The following GRB7 variants were observed in gnomAD, a reference collection of about 807,000 sequenced individuals.
GRB7 encodes the protein growth factor receptor-bound protein 7.
In GRB7, 47 loss-of-function variants were observed where a neutral mutation model predicts 64.1. That is an observed-to-expected ratio of 0.73 (90% CI 0.58 to 0.94). GRB7 has a LOEUF of 0.94. GRB7 is among the 40% of genes least tolerant of loss of function. GRB7 has a pLI of 0.00. For missense variants in GRB7, 634 were observed against 718.4 expected (o/e 0.88, Z 1.34); for synonymous variants, 277 against 279.9 (o/e 0.99, Z 0.10).
At chr17:39,742,198 C>T in intron 1 of GRB7, 54 bp from the exon 2 acceptor site, 1 of 1,337,994 alleles carries the variant, frequency 7.5e-7, no homozygotes, top group Non-Finnish European at 1.1e-6. Flanking sequence ...TGAGGGGCAC[C>T]CTAACCGCCG....
rs1354030470 is a variant in GRB7, at chr17:39,746,828, G to A, written c.1530G>A (p.Glu510=). Residue 510 remains glutamate, a synonymous_variant, in exon 15 of 15, where the codon GAG becomes GAA. Coordinates refer to ENST00000309156, the MANE Select transcript of GRB7 (RefSeq NM_005310.5). ...TCACTGACCTGCTGCAGCTCGTGGAGTTCCACCAGCTGAACCGCGGCATCC... is the reference window on the plus strand; with the variant it reads ...TCACTGACCTGCTGCAGCTCGTGGAATTCCACCAGCTGAACCGCGGCATCC... ...TRFTDLLQLV[E]FHQLNRGILP... 4 of 1,613,824 alleles carry A rather than the reference G, an allele frequency of 2.5e-6. No homozygotes were observed. The highest frequency in any genetic ancestry group is 2.2e-5 in the East Asian group (1 of 44,876).
rs1448723648 is a variant in GRB7, at chr17:39,742,629, G to GCT, written c.222_223dup (p.Cys75SerfsTer30). The GCT allele has an allele frequency of 1.9e-6, 3 of 1,613,092 alleles. No individual in the cohort carries two copies. Among genetic ancestry groups the GCT allele is most frequent in the Non-Finnish European group, 2.5e-6 (3 of 1,179,624 alleles). ...CCTCTATCCCCAACCCCTTCCCTGA[G>GCT]CTCTGCAGTCCTCCCTCACAGAGCC... On this transcript the variant is annotated frameshift_variant, in exon 3 of 15. Coordinates refer to ENST00000309156, the MANE Select transcript of GRB7 (RefSeq NM_005310.5). LOFTEE classifies it high-confidence loss of function.
In GRB7 at chr17:39,743,224, G is replaced by A; in HGVS notation, c.508G>A (p.Ala170Thr). 1 of 1,614,208 alleles carries A rather than the reference G, an allele frequency of 6.2e-7. No homozygotes were observed. The highest frequency in any genetic ancestry group is 1.3e-5 in the African/African-American group (1 of 75,062). The change falls in exon 5 of 15, where the codon GCC becomes ACC. Residue 170 changes from alanine to threonine, a missense_variant. Ala to Thr is a moderately conservative substitution (Grantham distance 58). Around this residue, in one of 2 missense-constraint regions of GRB7, gnomAD observed 467 missense variants for 576.6 expected, o/e 0.81. Coordinates refer to ENST00000309156, the MANE Select transcript of GRB7 (RefSeq NM_005310.5). ...CGAGTCCGTGGTGGAAGTGCAGGCT[G>A]CCTGGCCCGTGGGCGGAGATAGCCG... is the stretch of plus-strand genomic sequence containing the variant. ...DHESVVEVQA[A>T]WPVGGDSRFV...
rs74868261 is a variant in GRB7, at chr17:39,746,217, G to A, written c.1452+15G>A. On this transcript the variant is annotated intron_variant, in intron 14 of 14. Transcript: ENST00000309156. ...TCATCCTGCCGGTGAGCTTCCCTGC[G>A]TCCCCGGAGTCCTGCAATGAGACAC... 8.9e-5 allele frequency: 143 copies of A among 1,600,948 alleles called. No homozygotes were observed. Among genetic ancestry groups the A allele is most frequent in the East Asian group, 2.9e-4 (13 of 44,838 alleles).
intron 1 of GRB7, chr17:39,739,030 G>A: frequency 1.1e-6 from 1 of 907,880 alleles, no homozygotes; most frequent in Non-Finnish European, 1.6e-6. Context: ...TGGGGTGGGG[G>A]ATAGCAGATG....
Position 39,745,729 on chromosome 17 carries a change from A to G in GRB7, c.1211A>G (p.Lys404Arg). 1 of 1,613,676 alleles carries G rather than the reference A, an allele frequency of 6.2e-7. No individual in the cohort carries two copies. Among genetic ancestry groups the G allele is most frequent in the Non-Finnish European group, 8.5e-7 (1 of 1,180,002 alleles). Residue 404 changes from lysine to arginine, a missense_variant and splice_region_variant, in exon 12 of 15, where the codon AAG (lysine) becomes AGG (arginine). Lys to Arg is a conservative substitution (Grantham distance 26). Transcript: ENST00000309156. Reference sequence around the variant, plus strand: ...CCCGTATCTCCCACTGCTCCACAGAAGAAGACAAACCACCGCCTCAGCCTG... The same window carrying G: ...CCCGTATCTCCCACTGCTCCACAGAGGAAGACAAACCACCGCCTCAGCCTG... Reference protein sequence around the residue: ...VALEEAQAWRKKTNHRLSLPM... With the variant: ...VALEEAQAWRRKTNHRLSLPM...
At chr17:39,745,665 T>C (rs776602800) in intron 11 of GRB7, 63 bp from the exon 12 acceptor site, 23 of 1,584,676 alleles carry the variant, frequency 1.5e-5, no homozygotes, top group East Asian at 4.5e-5. Context: ...TCTACCTTCC[T>C]GAGGTGCTGG....
At position 39,747,213 on chromosome 17, in the gene GRB7, T is replaced by G. The variant is rs2060056543; in HGVS notation, c.*316T>G. Reference sequence around the variant, plus strand: ...GCCCAGGCGGTTTCACGCCCCACACTTTGTACAGACCGAGAGGCCAGTTGA... The same window carrying G: ...GCCCAGGCGGTTTCACGCCCCACACGTTGTACAGACCGAGAGGCCAGTTGA... On this transcript the variant is annotated 3_prime_UTR_variant, in exon 15 of 15. Transcript: ENST00000309156. 2.5e-6 allele frequency: 1 copy of G among 404,322 alleles called. No individual in the cohort carries two copies. Among genetic ancestry groups the G allele is most frequent in the Non-Finnish European group, 4.4e-6 (1 of 225,436 alleles). The allele number at this position is 404,322 out of a possible 1,614,324, so 25.0% of individuals were successfully genotyped here.
chr17:39,741,226 G>A (rs2059991803), intron 1 of GRB7, among the ~76,000 whole-genome samples: 2 of 152,208 alleles, frequency 1.3e-5, no homozygotes, highest in Non-Finnish European at 2.9e-5. Context: ...GCACAGTGCT[G>A]AGAGAGAGTC....
At chr17:39,745,179 G>T in intron 9 of GRB7, 64 bp from the exon 10 acceptor site, 2 of 1,383,738 alleles carry the variant, frequency 1.4e-6, no homozygotes, top group South Asian at 1.3e-5. Context: ...GGTCTGAGGG[G>T]GGCGTCACAG....
intron 14 of GRB7, 97 bp from the exon 15 acceptor site, chr17:39,746,654 A>T: frequency 8.9e-7 from 1 of 1,128,376 alleles, no homozygotes; most frequent in Non-Finnish European, 1.3e-6. Flanking sequence ...AAGAAAAAAG[A>T]AAAGAATAAA....
At chr17:39,746,647 A>AG in intron 14 of GRB7, 104 bp from the exon 15 acceptor site, 1 of 458,382 alleles carries the variant, frequency 2.2e-6, no homozygotes, top group Non-Finnish European at 3.2e-6. Context: ...AAAGAAAAAG[A>AG]AAAAAGAAAA....
chr17:39,744,218 G>C lies in GRB7; in HGVS notation c.801+11G>C. 6.2e-7 allele frequency: 1 copy of C among 1,613,446 alleles called. No individual in the cohort carries two copies. Among genetic ancestry groups the C allele is most frequent in the South Asian group, 1.1e-5 (1 of 91,036 alleles). On this transcript the variant is annotated intron_variant, in intron 7 of 14. Transcript: ENST00000309156. Reference sequence around the variant, plus strand: ...AAGGGCACCTCTAAGGTAAGGTCTTGAGGGTACCAGCCCCAGCCCCTCCAG... The same window carrying C: ...AAGGGCACCTCTAAGGTAAGGTCTTCAGGGTACCAGCCCCAGCCCCTCCAG...
chr17:39,738,549 T>C (rs2059970023), intron 1 of GRB7: 1 of 162,422 alleles, frequency 6.2e-6, no homozygotes, highest in African/African-American at 2.4e-5. Context: ...CCCGCCCTCT[T>C]TTCGTCCCCA....
rs760067671 is a variant in GRB7, at chr17:39,745,542, A to C, written c.1209+4A>C. On this transcript the variant is annotated splice_donor_region_variant and intron_variant, in intron 11 of 14. Transcript: ENST00000309156. ...GGAGGAGGCCCAGGCCTGGAGGGTG[A>C]GGCCTGCTGTGTGTGTGTGTGTTTG... The C allele has an allele frequency of 6.2e-7, 1 of 1,609,364 alleles. No individual in the cohort carries two copies.
chr17:39,742,824 G>T, intron 3 of GRB7, 74 bp from the exon 4 acceptor site: 1 of 1,533,966 alleles, frequency 6.5e-7, no homozygotes, highest in Non-Finnish European at 8.8e-7. Flanking sequence ...AGTCCCTGAG[G>T]GTCTAGCAGG....
chr17:39,738,926 T>C (rs2059972936), intron 1 of GRB7: 2 of 1,533,946 alleles, frequency 1.3e-6, no homozygotes, highest in East Asian at 4.9e-5. Flanking sequence ...GGAGGCCGGG[T>C]GAGACGGGGT....
At chr17:39,744,738 C>T (rs2060028672) in intron 8 of GRB7, 75 bp downstream of exon 8, 1 of 1,389,916 alleles carries the variant, frequency 7.2e-7, no homozygotes, top group South Asian at 1.2e-5. Flanking sequence ...CTGCCCGGGG[C>T]TTCTGAGCCC....
rs1199247820 is a variant in GRB7 at position 39,738,147 on chromosome 17, G to A, written c.-51+14G>A. 6.6e-6 allele frequency: 1 copy of A among 152,378 alleles called. No individual in the cohort carries two copies. Among genetic ancestry groups the A allele is most frequent in the East Asian group, 1.9e-4 (1 of 5,246 alleles). The allele number at this position is 152,378 out of a possible 1,614,324, so 9.4% of individuals were successfully genotyped here. Reference sequence around the variant, plus strand: ...GGGCTCCTCCAGGTAAGGGGACCGAGATCGGTCTCAGACGACAGCCTGCCA... The same window carrying A: ...GGGCTCCTCCAGGTAAGGGGACCGAAATCGGTCTCAGACGACAGCCTGCCA... On this transcript the variant is annotated intron_variant, in intron 1 of 14. Transcript: ENST00000309156.
Sources: allele counts gnomAD v4.1 joint callset (sites outside exome capture counted in the v4.1 genomes callset), GRCh38; gene constraint gnomAD v4.1.1; regional missense constraint gnomAD v4.1.1; transcripts MANE v1.5; gene names NCBI Gene and HGNC (gene_info 2026-07-23, HGNC 2026-07-21).